Variants in TMEM74 observed in about 807,000 individuals in gnomAD.
TMEM74 encodes transmembrane protein 74.
A neutral mutation model predicts 18.1 loss-of-function variants in TMEM74; 13 were observed. That is an observed-to-expected ratio of 0.72 (90% CI 0.47 to 1.14). The LOEUF is 1.14. Ranked by LOEUF, TMEM74 falls within the 50% of genes most tolerant of loss-of-function variation. TMEM74 has a pLI of 0.00. For synonymous variants in TMEM74, 159 were observed against 146.6 expected (o/e 1.08, Z -0.61); for missense variants, 372 against 375.9 (o/e 0.99, Z 0.09).
intron 1 of TMEM74, among the ~76,000 whole-genome samples, chr8:108,750,325 C>T (rs1227253252): frequency 6.6e-6 from 1 of 152,090 alleles, no homozygotes; most frequent in African/African-American, 2.4e-5. Context: ...TTAGTTTTCT[C>T]CATATTCTAA....
chr8:108,652,057 AGTT>A (rs1314595078), intron 2 of TMEM74, among the ~76,000 whole-genome samples: 1 of 152,122 alleles, frequency 6.6e-6, no homozygotes, highest in African/African-American at 2.4e-5. Context: ...TTCTATGAAC[AGTT>A]GTTTTTGTTA....
chr8:108,666,538 G>A (rs996828000), intron 1 of TMEM74, among the ~76,000 whole-genome samples: 2 of 152,152 alleles, frequency 1.3e-5, no homozygotes, highest in African/African-American at 4.8e-5. Context: ...AGGAGTGGAT[G>A]TAACGGACTT....
chr8:108,645,252 CA>C (rs1398231476), intron 2 of TMEM74, among the ~76,000 whole-genome samples: 2 of 151,976 alleles, frequency 1.3e-5, no homozygotes, highest in African/African-American at 4.8e-5. Flanking sequence ...AGTATAGGAA[CA>C]GAAAACCAAA....
intron 1 of TMEM74, among the ~76,000 whole-genome samples, chr8:108,698,411 G>GA (rs1563529022): frequency 6.6e-6 from 1 of 152,144 alleles, no homozygotes; most frequent in Non-Finnish European, 1.5e-5. Context: ...TAAGTTACTT[G>GA]AACTCTCTAG....
chr8:108,680,970 G>A (rs1457842081), intron 1 of TMEM74, among the ~76,000 whole-genome samples: 2 of 152,132 alleles, frequency 1.3e-5, no homozygotes, highest in Non-Finnish European at 2.9e-5. Context: ...GGATGTGAAG[G>A]ACCTCTTCAA....
At chr8:108,749,751 A>T (rs1813886396) in intron 1 of TMEM74, among the ~76,000 whole-genome samples, 1 of 152,098 alleles carries the variant, frequency 6.6e-6, no homozygotes, top group African/African-American at 2.4e-5. Flanking sequence ...AATGAGAAGC[A>T]CACTTCTCAA....
chr8:108,635,229 A>G (rs1812595461), intron 2 of TMEM74, among the ~76,000 whole-genome samples: 1 of 151,864 alleles, frequency 6.6e-6, no homozygotes, highest in African/African-American at 2.4e-5. Flanking sequence ...ACAAAACTCC[A>G]AAACAATTGC....
chr8:108,624,388 CT>C (rs1812472944), intron 2 of TMEM74, among the ~76,000 whole-genome samples: 1 of 152,010 alleles, frequency 6.6e-6, no homozygotes, highest in Non-Finnish European at 1.5e-5. Flanking sequence ...ACATTAATAC[CT>C]TTGCTTATAT....
chr8:108,627,909 G>T (rs1812510386), intron 2 of TMEM74, among the ~76,000 whole-genome samples: 1 of 151,866 alleles, frequency 6.6e-6, no homozygotes. Context: ...AAAAACATTA[G>T]CTGGGTATGG....
intron 1 of TMEM74, among the ~76,000 whole-genome samples, chr8:108,731,723 G>T (rs748457064): frequency 2.8e-4 from 42 of 152,160 alleles, no homozygotes; most frequent in South Asian, 4.1e-4. Flanking sequence ...GGTCAGTTTT[G>T]TCTGATATTT....
intron 1 of TMEM74, among the ~76,000 whole-genome samples, chr8:108,770,910 G>T (rs1586292272): frequency 6.6e-6 from 1 of 152,008 alleles, no homozygotes; most frequent in Non-Finnish European, 1.5e-5. Context: ...TCCACATGAA[G>T]ACATGAGCTG....
At chr8:108,773,549 G>T (rs1187584475) in intron 1 of TMEM74, among the ~76,000 whole-genome samples, 1 of 152,114 alleles carries the variant, frequency 6.6e-6, no homozygotes, top group African/African-American at 2.4e-5. Context: ...CTGTGGGCTG[G>T]AGTTAGTGAC....
intron 1 of TMEM74, among the ~76,000 whole-genome samples, chr8:108,771,708 T>G (rs1042344759): frequency 6.6e-6 from 1 of 152,208 alleles, no homozygotes; most frequent in Non-Finnish European, 1.5e-5. Context: ...ATGAGCAATC[T>G]CCCTGTTGTT....
chr8:108,610,659 G>A (rs189398252), intron 2 of TMEM74, among the ~76,000 whole-genome samples: 75 of 152,278 alleles, frequency 4.9e-4, no homozygotes, highest in Admixed American at 2.0e-3. Flanking sequence ...TGTCCAGGCT[G>A]GGGAACCAGC....
At chr8:108,749,118 C>T (rs1813880092) in intron 1 of TMEM74, among the ~76,000 whole-genome samples, 2 of 151,812 alleles carry the variant, frequency 1.3e-5, no homozygotes, top group South Asian at 4.2e-4. Flanking sequence ...ATTGCCTTGG[C>T]TATTTGGGCT....
intron 1 of TMEM74, among the ~76,000 whole-genome samples, chr8:108,669,922 C>T (rs1178186974): frequency 6.6e-6 from 1 of 151,630 alleles, no homozygotes; most frequent in Admixed American, 6.6e-5. Context: ...CCTGTAATCC[C>T]AGGTATGGGG....
chr8:108,763,922 A>G (rs1446515231), intron 1 of TMEM74, among the ~76,000 whole-genome samples: 1 of 152,192 alleles, frequency 6.6e-6, no homozygotes, highest in Non-Finnish European at 1.5e-5. Flanking sequence ...TTGACATAAC[A>G]GTATTTTGGA....
chr8:108,655,888 T>C (rs1385569640), intron 1 of TMEM74, among the ~76,000 whole-genome samples: 1 of 152,186 alleles, frequency 6.6e-6, no homozygotes, highest in East Asian at 1.9e-4. Context: ...AGGGAAAGTA[T>C]CATTATTGAG....
chr8:108,716,772 C>G (rs183808317), intron 1 of TMEM74, among the ~76,000 whole-genome samples: 1 of 150,228 alleles, frequency 6.7e-6, no homozygotes, highest in Non-Finnish European at 1.5e-5. Flanking sequence ...AAAGGGGAGT[C>G]TCTTTAAGAA....
Sources: allele counts gnomAD v4.1 joint callset (sites outside exome capture counted in the v4.1 genomes callset), GRCh38; gene constraint gnomAD v4.1.1; transcripts MANE v1.5; gene names NCBI Gene and HGNC (gene_info 2026-07-23, HGNC 2026-07-21).